The following UBE4B variants were observed in gnomAD, a reference collection of about 807,000 sequenced individuals.
UBE4B encodes the protein ubiquitination factor E4B, also known as ubiquitin conjugation factor E4 B.
In UBE4B, 27 loss-of-function variants were observed where a neutral mutation model predicts 148.1. The observed-to-expected ratio is 0.18, with a 90% CI of 0.13 to 0.25. The LOEUF (loss-of-function observed/expected upper bound fraction) is 0.25. Ranked by LOEUF, UBE4B falls within the 10% of genes least tolerant of loss-of-function variation. The pLI, the probability that UBE4B is intolerant of heterozygous loss-of-function variation, is 1.00. For missense variants in UBE4B, 1,170 were observed against 1,662.4 expected (o/e 0.70, Z 5.15); for synonymous variants, 596 against 619.3 (o/e 0.96, Z 0.56).
At chr1:10,175,424 G>A (rs931721115) in intron 25 of UBE4B, among the ~76,000 whole-genome samples, 5 of 151,896 alleles carry the variant, frequency 3.3e-5, no homozygotes, top group African/African-American at 9.7e-5. Context: ...GGCCAAGGCG[G>A]GCGGATCACA....
intron 20 of UBE4B, among the ~76,000 whole-genome samples, chr1:10,149,675 A>G (rs1334270146): frequency 6.6e-6 from 1 of 152,222 alleles, no homozygotes; most frequent in Non-Finnish European, 1.5e-5. Context: ...GCTTACCAAG[A>G]AATGGTTTGA....
At chr1:10,097,553 G>A (rs1281129228) in intron 3 of UBE4B, among the ~76,000 whole-genome samples, 2 of 152,172 alleles carry the variant, frequency 1.3e-5, no homozygotes, top group African/African-American at 4.8e-5. Context: ...GCTTACGCCT[G>A]TAATCCCATC....
intron 1 of UBE4B, among the ~76,000 whole-genome samples, chr1:10,067,970 C>T (rs940862481): frequency 4.6e-5 from 7 of 151,700 alleles, no homozygotes; most frequent in Admixed American, 1.3e-4. Context: ...CCTTGTGATC[C>T]GCCCACCTCA....
chr1:10,180,714 G>A lies in UBE4B; in HGVS notation c.*758G>A, dbSNP rs953029976. ...TGGTCCTTGTGATAAGCCTCTCTTC[G>A]GCATCTGAGGAGCAGCTGCAGCAAA... is the stretch of plus-strand genomic sequence containing the variant. On this transcript the variant is annotated 3_prime_UTR_variant, in exon 28 of 28. Coordinates refer to ENST00000343090, the MANE Select transcript of UBE4B (RefSeq NM_001105562.3). 7.3e-5 allele frequency: 11 copies of A among 151,622 alleles called. No homozygotes were observed. Among genetic ancestry groups the A allele is most frequent in the Admixed American group, 4.0e-4 (6 of 15,164 alleles). 9.4% of individuals were successfully genotyped at this position (151,622 alleles called of 1,614,324 possible).
chr1:10,156,859 T>G (rs1346470877), intron 21 of UBE4B, among the ~76,000 whole-genome samples: 2 of 152,186 alleles, frequency 1.3e-5, no homozygotes, highest in African/African-American at 4.8e-5. Context: ...AAAAAATGTG[T>G]TCTTTGGAAA....
intron 21 of UBE4B, among the ~76,000 whole-genome samples, chr1:10,155,968 C>T (rs2101998585): frequency 6.7e-6 from 1 of 150,110 alleles, no homozygotes; most frequent in South Asian, 2.1e-4. Flanking sequence ...AGGTGGAGGT[C>T]GCAGTGAGCC....
rs184514434 is a variant in UBE4B, at chr1:10,118,121, G to A, written c.1338+521G>A. 7.7e-3 allele frequency among the ~76,000 whole-genome samples: 1,178 copies of A among 152,202 alleles called. 11 individuals are homozygous for A. The highest frequency in any genetic ancestry group is 0.011 in the Non-Finnish European group (730 of 68,000). ...CGTAAATAATAAGTTGCAAGGCTGG[G>A]CTTAAACTCAGTAAGCTACCCTTTT... On this transcript the variant is annotated intron_variant, in intron 8 of 27. Coordinates refer to ENST00000343090, the MANE Select transcript of UBE4B (RefSeq NM_001105562.3).
intron 2 of UBE4B, among the ~76,000 whole-genome samples, chr1:10,081,043 TCTA>T (rs1016384509): frequency 5.3e-5 from 8 of 152,190 alleles, no homozygotes; most frequent in African/African-American, 1.9e-4. Context: ...TTTTTAAAAT[TCTA>T]CTTTTTAAAA....
chr1:10,130,309 A>G (rs1321566482), intron 12 of UBE4B, among the ~76,000 whole-genome samples, 191 bp from the exon 13 acceptor site: 1 of 151,928 alleles, frequency 6.6e-6, no homozygotes, highest in Non-Finnish European at 1.5e-5. Context: ...TCCTGACCTC[A>G]GGTGACCCAC....
At chr1:10,133,648 C>T (rs1474638754) in intron 15 of UBE4B, among the ~76,000 whole-genome samples, 3 of 151,904 alleles carry the variant, frequency 2.0e-5, no homozygotes, top group Non-Finnish European at 4.4e-5. Context: ...TGGTGGCTCA[C>T]GCCTGTAATC....
In UBE4B at chr1:10,161,162, G is replaced by T. The variant is rs1464581894; in HGVS notation, c.3074G>T (p.Arg1025Leu). The T allele has an allele frequency of 1.2e-6, 2 of 1,613,780 alleles. No individual in the cohort carries two copies. The highest frequency in any genetic ancestry group is 1.7e-6 in the Non-Finnish European group (2 of 1,179,950). The change falls in exon 23 of 28, where the codon CGC (arginine) becomes CTC (leucine). Residue 1025 changes from arginine to leucine, a missense_variant. Around this residue, in one of 6 missense-constraint regions of UBE4B, gnomAD observed 348 missense variants for 627.2 expected, o/e 0.55. Coordinates refer to ENST00000343090, the MANE Select transcript of UBE4B (RefSeq NM_001105562.3). The surrounding 1 kb of genome is among the most constrained non-coding windows in gnomAD (Gnocchi z 4.1). The part of the protein sequence containing the change: ...EEFNSGKQFV[R>L]YINMLINDTT... ...TCCAGCTCCGGGAAGCAGTTTGTTC[G>T]CTATATAAACATGTTGATAAACGAC...
chr1:10,161,027 G>T lies in UBE4B; in HGVS notation c.3054-115G>T. On this transcript the variant is annotated intron_variant, in intron 22 of 27. Coordinates refer to ENST00000343090, the MANE Select transcript of UBE4B (RefSeq NM_001105562.3). This position sits in a 1 kb window ranked among gnomAD's most constrained non-coding sequence, Gnocchi z 4.1. ...TGCCTGACTTGTGCCAGGGTAGCCA[G>T]GCTTTTAGGGTGAGATAGTTGCAGT... 8.3e-7 allele frequency: 1 copy of T among 1,201,840 alleles called. No individual in the cohort carries two copies. The highest frequency in any genetic ancestry group is 1.2e-6 in the Non-Finnish European group (1 of 850,018). The allele number at this position is 1,201,840 out of a possible 1,614,324, so 74.4% of individuals were successfully genotyped here. A position where few individuals can be genotyped will look rare whatever the true frequency, so the allele number is the denominator to read the frequency against.
rs1645118124 is a variant in UBE4B, at chr1:10,106,698, A to G, written c.1196+115A>G. 1.5e-6 allele frequency: 2 copies of G among 1,360,792 alleles called. No individual in the cohort carries two copies. The highest frequency in any genetic ancestry group is 6.4e-5 in the Admixed American group (2 of 31,474). 84.3% of individuals were successfully genotyped at this position (1,360,792 alleles called of 1,614,324 possible). A position where few individuals can be genotyped will look rare whatever the true frequency, so the allele number is the denominator to read the frequency against. ...CTCTGTTAAATTGTTGTTTTGGGTTATTAACCTGTGTGGCTAACTAGTTTG... is the reference window on the plus strand; with the variant it reads ...CTCTGTTAAATTGTTGTTTTGGGTTGTTAACCTGTGTGGCTAACTAGTTTG... On this transcript the variant is annotated intron_variant, in intron 7 of 27. Transcript: ENST00000343090. The surrounding 1 kb of genome is among the most constrained non-coding windows in gnomAD (Gnocchi z 4.2).
intron 21 of UBE4B, among the ~76,000 whole-genome samples, chr1:10,157,024 A>G (rs1646084355): frequency 6.6e-6 from 1 of 151,950 alleles, no homozygotes; most frequent in Non-Finnish European, 1.5e-5. Flanking sequence ...AAGTGAAAAA[A>G]AAAATTTTTG....
chr1:10,094,927 A>G (rs1644907103), intron 2 of UBE4B, among the ~76,000 whole-genome samples: 1 of 151,958 alleles, frequency 6.6e-6, no homozygotes. Flanking sequence ...AGTAGCTGGG[A>G]TTACAGGTGC....
Position 10,153,490 on chromosome 1 carries a change from T to TAAAA in UBE4B, c.2926+1954_2926+1957dup, listed in dbSNP as rs1045427991. Reference sequence around the variant, plus strand: ...GTGAAACAAAGCAAGACCCTGTTTCTAAAAAAAAAAAAAAAAAAAAAAAAA... The same window carrying TAAAA: ...GTGAAACAAAGCAAGACCCTGTTTCTAAAAAAAAAAAAAAAAAAAAAAAAAAAAA... On this transcript the variant is annotated intron_variant, in intron 21 of 27. Coordinates refer to ENST00000343090, the MANE Select transcript of UBE4B (RefSeq NM_001105562.3). 1.6e-3 allele frequency among the ~76,000 whole-genome samples: 79 copies of TAAAA among 49,212 alleles called. 1 individual carries two copies. Among genetic ancestry groups the TAAAA allele is most frequent in the Middle Eastern group, 0.019 (1 of 52 alleles). The allele number at this position is 49,212 out of a possible 152,430, so 32.3% of individuals were successfully genotyped here. A position where few individuals can be genotyped will look rare whatever the true frequency, so the allele number is the denominator to read the frequency against.
intron 10 of UBE4B, among the ~76,000 whole-genome samples, chr1:10,124,965 A>C (rs927385229): frequency 2.0e-5 from 3 of 152,128 alleles, no homozygotes; most frequent in African/African-American, 7.2e-5. Context: ...ATCTCTACTC[A>C]AAATACAAAA....
chr1:10,163,249 T>A (rs1646195238), intron 23 of UBE4B: 1 of 152,106 alleles, frequency 6.6e-6, no homozygotes, highest in African/African-American at 2.4e-5. Flanking sequence ...AAATTTTTTT[T>A]ATAGAGACAA....
chr1:10,105,171 T>C (rs1645084655), intron 5 of UBE4B, among the ~76,000 whole-genome samples: 1 of 152,228 alleles, frequency 6.6e-6, no homozygotes, highest in African/African-American at 2.4e-5. Flanking sequence ...TTACAATTAA[T>C]ATACATCAGC....
Sources: allele counts gnomAD v4.1 joint callset (sites outside exome capture counted in the v4.1 genomes callset), GRCh38; gene constraint gnomAD v4.1.1; regional missense constraint gnomAD v4.1.1; non-coding constraint Gnocchi (gnomAD v3.1); transcripts MANE v1.5; gene names NCBI Gene and HGNC (gene_info 2026-07-23, HGNC 2026-07-21).